The following ADAMTS2 variants were observed in gnomAD, a reference collection of about 807,000 sequenced individuals.
ADAMTS2 encodes the protein A disintegrin and metalloproteinase with thrombospondin motifs 2.
Under a neutral mutation model 123.0 loss-of-function variants are expected in ADAMTS2, and 50 were observed. The ratio of observed to expected loss-of-function variants is 0.41; its 90% confidence interval spans 0.32 to 0.51. The LOEUF is 0.51. ADAMTS2 is among the 20% of genes least tolerant of loss of function. The probability of loss-of-function intolerance (pLI) is 0.35; values close to 1 mark genes in which losing one functional copy is unlikely to be tolerated. For missense variants in ADAMTS2, 1,494 were observed against 1,705.2 expected (o/e 0.88, Z 2.18); for synonymous variants, 678 against 695.4 (o/e 0.98, Z 0.39).
At chr5:179,294,300 G>A (rs1296565675) in intron 2 of ADAMTS2, among the ~76,000 whole-genome samples, 4 of 152,184 alleles carry the variant, frequency 2.6e-5, no homozygotes, top group Admixed American at 6.5e-5. Context: ...TGTTGATGAA[G>A]GCACGCAGCC....
intron 9 of ADAMTS2, among the ~76,000 whole-genome samples, chr5:179,153,272 T>A (rs1763398738): frequency 6.6e-6 from 1 of 151,976 alleles, no homozygotes. Flanking sequence ...CTGTCCCCCG[T>A]GTGCTTCCTG....
chr5:179,147,499 T>C (rs1763271854), intron 10 of ADAMTS2, among the ~76,000 whole-genome samples: 1 of 152,086 alleles, frequency 6.6e-6, no homozygotes. Flanking sequence ...AACCTAAAAA[T>C]CAAACAAAAT....
chr5:179,194,178 G>A (rs1404200338), intron 4 of ADAMTS2, among the ~76,000 whole-genome samples: 2 of 152,200 alleles, frequency 1.3e-5, no homozygotes, highest in Non-Finnish European at 2.9e-5. Context: ...GAGGAGGGAG[G>A]AGGGAGGAGG....
intron 21 of ADAMTS2, 176 bp downstream of exon 21, chr5:179,121,485 G>A (rs1298699792): frequency 2.0e-6 from 1 of 491,024 alleles, no homozygotes; most frequent in East Asian, 3.2e-5. Context: ...AGCAGGCAGC[G>A]CGGCCCGGAG....
chr5:179,128,229 G>GC lies in ADAMTS2; in HGVS notation c.2458-112dup. The stretch of plus-strand genomic sequence containing the variant: ...CTCCAGAGGAGTCTCATCATTCATG[G>GC]CAGTTACATTCCATGAAGTCGCCCC... On this transcript the variant is annotated intron_variant, in intron 16 of 21. Coordinates refer to ENST00000251582, the MANE Select transcript of ADAMTS2 (RefSeq NM_014244.5). The surrounding 1 kb of genome is among the most constrained non-coding windows in gnomAD (Gnocchi z 4.9). 1 of 1,363,482 alleles carries GC rather than the reference G, an allele frequency of 7.3e-7. No homozygotes were observed. Among genetic ancestry groups the GC allele is most frequent in the Non-Finnish European group, 1.0e-6 (1 of 980,552 alleles). 84.5% of individuals were successfully genotyped at this position (1,363,482 alleles called of 1,614,324 possible).
chr5:179,116,886 G>C lies in ADAMTS2; in HGVS notation c.3179-2562C>G, dbSNP rs75215147. On this transcript the variant is annotated intron_variant, in intron 21 of 21. Coordinates refer to ENST00000251582, the MANE Select transcript of ADAMTS2 (RefSeq NM_014244.5). The stretch of plus-strand genomic sequence containing the variant: ...ACCCATCGGCCATCAGGAGAAGTGG[G>C]GATCTCCCTGACACTGAGCCCAAGA... Among the ~76,000 whole-genome samples, 6 of 152,102 alleles carry C rather than the reference G, an allele frequency of 3.9e-5. No individual in the cohort carries two copies. The South Asian group carries it at 1.2e-3, about 32-fold the overall frequency.
At chr5:179,164,083 C>T (rs933883951) in intron 5 of ADAMTS2, among the ~76,000 whole-genome samples, 2 of 152,178 alleles carry the variant, frequency 1.3e-5, no homozygotes, top group Non-Finnish European at 1.5e-5. Flanking sequence ...CCTCAGTGTC[C>T]GGGCACCCCA....
Position 179,259,598 on chromosome 5 carries a change from G to C in ADAMTS2, c.688+13313C>G, listed in dbSNP as rs188859428. 3.4e-3 allele frequency among the ~76,000 whole-genome samples: 514 copies of C among 152,358 alleles called. 18 individuals carry two copies. Among genetic ancestry groups the C allele is most frequent in the Admixed American group, 0.027 (412 of 15,304 alleles). ...CCCCAGGGCAGAGGCTGGGATTCAC[G>C]CATTGCTGCCCTCAGGCACCAAACA... is the stretch of plus-strand genomic sequence containing the variant. On this transcript the variant is annotated intron_variant, in intron 3 of 21. Transcript: ENST00000251582.
chr5:179,139,573 C>T (rs555369002), intron 11 of ADAMTS2, among the ~76,000 whole-genome samples: 1 of 152,226 alleles, frequency 6.6e-6, no homozygotes, highest in East Asian at 1.9e-4. Context: ...CCCCGCTTAC[C>T]CCCATTTCCC....
intron 10 of ADAMTS2, among the ~76,000 whole-genome samples, chr5:179,143,933 C>G (rs776229812): frequency 2.6e-5 from 4 of 152,124 alleles, no homozygotes; most frequent in Non-Finnish European, 5.9e-5. Context: ...TGTCATTTCT[C>G]CCTTATTTTA....
intron 2 of ADAMTS2, among the ~76,000 whole-genome samples, chr5:179,293,332 C>A (rs1171481573): frequency 1.3e-5 from 2 of 152,266 alleles, no homozygotes; most frequent in Non-Finnish European, 2.9e-5. Context: ...CTGATTCTTG[C>A]AGGCTTTGTT....
intron 2 of ADAMTS2, among the ~76,000 whole-genome samples, chr5:179,319,648 G>C (rs535360378): frequency 3.7e-4 from 57 of 152,076 alleles, no homozygotes; most frequent in African/African-American, 1.3e-3. Context: ...TTTGCTTATT[G>C]TATGTCTCTA....
chr5:179,193,671 C>T (rs1291094232), intron 4 of ADAMTS2, among the ~76,000 whole-genome samples: 1 of 152,224 alleles, frequency 6.6e-6, no homozygotes, highest in African/African-American at 2.4e-5. Context: ...CATTTAGTCA[C>T]TTATTCATTC....
chr5:179,232,312 T>C (rs1765427605), intron 3 of ADAMTS2, among the ~76,000 whole-genome samples: 1 of 152,192 alleles, frequency 6.6e-6, no homozygotes, highest in South Asian at 2.1e-4. Flanking sequence ...GACAGAAACA[T>C]CCATACTGCT....
At position 179,130,401 on chromosome 5, in the gene ADAMTS2, T is replaced by G. The variant is rs935739385; in HGVS notation, c.2291-303A>C. On this transcript the variant is annotated intron_variant, in intron 15 of 21. Transcript: ENST00000251582. This position sits in a 1 kb window ranked among gnomAD's most constrained non-coding sequence, Gnocchi z 4.3. ...TCAAGGCCACCTACCCATACCCTAT[T>G]GGGAGCACTCAGTGGGCGCTTAGAG... is the stretch of plus-strand genomic sequence containing the variant. Among the ~76,000 whole-genome samples the G allele has an allele frequency of 6.6e-6, 1 of 152,096 alleles. No homozygotes were observed. The highest frequency in any genetic ancestry group is 2.4e-5 in the African/African-American group (1 of 41,420).
chr5:179,153,034 G>A (rs1281299980), intron 9 of ADAMTS2, among the ~76,000 whole-genome samples: 3 of 152,318 alleles, frequency 2.0e-5, no homozygotes, highest in East Asian at 3.9e-4. Flanking sequence ...GCCGATGGCC[G>A]GTTCCTCTGA....
rs1266572954 is a variant in ADAMTS2 at position 179,118,296 on chromosome 5, A to G, written c.3178+3365T>C. Among the ~76,000 whole-genome samples, 10 of 152,196 alleles carry G rather than the reference A, an allele frequency of 6.6e-5. No individual in the cohort carries two copies. Among genetic ancestry groups the G allele is most frequent in the Admixed American group, 5.9e-4 (9 of 15,280 alleles). On this transcript the variant is annotated intron_variant, in intron 21 of 21. Transcript: ENST00000251582. This position sits in a 1 kb window ranked among gnomAD's most constrained non-coding sequence, Gnocchi z 4.5. ...AGATGCCCCAGGTTTGTACATTTTTAAGTATCATCACGGACCACAGAGAAG... is the reference window on the plus strand; with the variant it reads ...AGATGCCCCAGGTTTGTACATTTTTGAGTATCATCACGGACCACAGAGAAG...
intron 2 of ADAMTS2, among the ~76,000 whole-genome samples, chr5:179,325,104 G>A (rs1409756625): frequency 6.6e-6 from 1 of 152,178 alleles, no homozygotes; most frequent in Non-Finnish European, 1.5e-5. Context: ...CCTGCCACAG[G>A]CACTGTTTCC....
chr5:179,214,681 T>C (rs1246176103), intron 3 of ADAMTS2, among the ~76,000 whole-genome samples: 2 of 152,210 alleles, frequency 1.3e-5, no homozygotes, highest in East Asian at 3.9e-4. Context: ...ACACAAAAAG[T>C]AGTATAATAT....
Sources: allele counts gnomAD v4.1 joint callset (sites outside exome capture counted in the v4.1 genomes callset), GRCh38; gene constraint gnomAD v4.1.1; non-coding constraint Gnocchi (gnomAD v3.1); transcripts MANE v1.5; gene names NCBI Gene and HGNC (gene_info 2026-07-23, HGNC 2026-07-21).